Variants in C1orf198 observed in about 807,000 individuals in gnomAD.
The protein encoded by C1orf198 is chromosome 1 open reading frame 198.
Under a neutral mutation model 31.4 loss-of-function variants are expected in C1orf198, and 17 were observed. The ratio of observed to expected loss-of-function variants is 0.54; its 90% CI spans 0.37 to 0.81. The LOEUF is 0.81. C1orf198 is among the 40% of genes least tolerant of loss of function. The pLI, the probability that C1orf198 is intolerant of heterozygous loss-of-function variation, is 0.00. For missense variants in C1orf198, 401 were observed against 450.3 expected, an observed-to-expected ratio of 0.89 and a Z score of 0.99; for synonymous variants, 175 against 193.8, an observed-to-expected ratio of 0.90 and a Z score of 0.81.
At position 230,843,660 on chromosome 1, in the gene C1orf198, G is replaced by T; in HGVS notation, c.621C>A (p.Phe207Leu). The T allele has an allele frequency of 6.2e-7, 1 of 1,614,218 alleles. No homozygotes were observed. Among genetic ancestry groups the T allele is most frequent in the Non-Finnish European group, 8.5e-7 (1 of 1,180,038 alleles). Residue 207 changes from phenylalanine to leucine, a missense_variant, in exon 3 of 4, where the codon TTC (phenylalanine) becomes TTA (leucine). Physicochemically the swap from Phe to Leu is conservative, Grantham distance 22. Transcript: ENST00000366663. The surrounding 1 kb of genome is among the most constrained non-coding windows in gnomAD (Gnocchi z 4.9). ...TGATCTGGCTAGGGGTCAGCGACTG[G>T]AACTCGGCCTCAGGCCCCTCCCCTC... ...RSRGEGPEAEFQSLTPSQIKS... is the reference protein window; with the variant it reads ...RSRGEGPEAELQSLTPSQIKS...
rs1232082128 is a variant in C1orf198 at position 230,839,672 on chromosome 1, A to G, written c.*180T>C. The G allele has an allele frequency of 1.8e-6, 1 of 565,786 alleles. No individual in the cohort carries two copies. The highest frequency in any genetic ancestry group is 2.0e-5 in the African/African-American group (1 of 50,764). The allele number at this position is 565,786 out of a possible 1,614,324, so 35.0% of individuals were successfully genotyped here. On this transcript the variant is annotated 3_prime_UTR_variant, in exon 4 of 4. Transcript: ENST00000366663. The stretch of plus-strand genomic sequence containing the variant: ...TATCAAATCACTGAAAATAGCATAT[A>G]TATCTGGTTCTACCAAAAAAGAAAA...
chr1:230,851,307 A>C (rs1431602038), intron 2 of C1orf198, among the ~76,000 whole-genome samples: 1 of 152,122 alleles, frequency 6.6e-6, no homozygotes, highest in Non-Finnish European at 1.5e-5. Context: ...GGGGAGGGGC[A>C]AGGCTGGGGA....
At chr1:230,846,268 A>G (rs1297356097) in intron 2 of C1orf198, among the ~76,000 whole-genome samples, 1 of 152,222 alleles carries the variant, frequency 6.6e-6, no homozygotes, top group East Asian at 1.9e-4. Flanking sequence ...TGTACATCAG[A>G]GTAGCATTTT....
chr1:230,839,664 T>C lies in C1orf198; in HGVS notation c.*188A>G. On this transcript the variant is annotated 3_prime_UTR_variant, in exon 4 of 4. Transcript: ENST00000366663. ...ACTTCTGTTATCAAATCACTGAAAA[T>C]AGCATATATATCTGGTTCTACCAAA... 1 of 535,020 alleles carries C rather than the reference T, an allele frequency of 1.9e-6. No individual in the cohort carries two copies. The highest frequency in any genetic ancestry group is 3.6e-5 in the East Asian group (1 of 27,860). 33.1% of individuals were successfully genotyped at this position (535,020 alleles called of 1,614,324 possible).
chr1:230,850,522 G>T (rs746986168), intron 2 of C1orf198, among the ~76,000 whole-genome samples: 2 of 152,216 alleles, frequency 1.3e-5, no homozygotes, highest in Non-Finnish European at 2.9e-5. Context: ...CCCTGAGGTG[G>T]GTGAGAACAG....
In C1orf198 at chr1:230,840,905, T is replaced by A. The variant is rs577285764; in HGVS notation, c.928-997A>T. On this transcript the variant is annotated intron_variant, in intron 3 of 3. Coordinates refer to ENST00000366663, the MANE Select transcript of C1orf198 (RefSeq NM_032800.3). The surrounding 1 kb of genome is among the most constrained non-coding windows in gnomAD (Gnocchi z 4.0). Reference sequence around the variant, plus strand: ...CAATCCAGTTTTCCTTGTTCTGGTTTCCTTCCAGTTTCTTAAATGCAGTGG... The same window carrying A: ...CAATCCAGTTTTCCTTGTTCTGGTTACCTTCCAGTTTCTTAAATGCAGTGG... Among the ~76,000 whole-genome samples the A allele has an allele frequency of 6.6e-6, 1 of 152,348 alleles. No individual in the cohort carries two copies. The highest frequency in any genetic ancestry group is 2.1e-4 in the South Asian group (1 of 4,826).
At position 230,839,891 on chromosome 1, in the gene C1orf198, G is replaced by A. The variant is rs766038551; in HGVS notation, c.945C>T (p.Val315=). The A allele has an allele frequency of 1.4e-5, 22 of 1,610,258 alleles. No homozygotes were observed. In the East Asian group the frequency reaches 2.5e-4, roughly 18 times the overall value. ...PKFAQVSSSN[V]VLKTGFDFLD... is the part of the protein sequence containing the mutation. ...GAAAATCAAATCCCGTCTTCAAGAC[G>A]ACATTACTTGAGCTGACCTGTAGAA... Residue 315 remains valine, a synonymous_variant, in exon 4 of 4, where the codon GTC becomes GTT. Transcript: ENST00000366663.
chr1:230,845,757 T>C (rs1303830884), intron 2 of C1orf198, among the ~76,000 whole-genome samples: 1 of 152,122 alleles, frequency 6.6e-6, no homozygotes, highest in East Asian at 1.9e-4. Context: ...TAAAACTACA[T>C]GACAGAAAGT....
chr1:230,844,018 G>A, intron 2 of C1orf198, 122 bp from the exon 3 acceptor site: 1 of 1,034,398 alleles, frequency 9.7e-7, no homozygotes, highest in Non-Finnish European at 1.4e-6. Context: ...CACACGAGTT[G>A]TTGCCCATGT....
rs1362089477 is a variant in C1orf198, at chr1:230,843,488, G to T, written c.793C>A (p.Pro265Thr). ...LPNVSTERERPQPVQAFSSAL... is the reference protein window; with the variant it reads ...LPNVSTERERTQPVQAFSSAL... ...CTGCTGAAGGCCTGGACAGGCTGGGGTCTCTCACGTTCGGTGCTCACGTTG... is the reference window on the plus strand; with the variant it reads ...CTGCTGAAGGCCTGGACAGGCTGGGTTCTCTCACGTTCGGTGCTCACGTTG... The change falls in exon 3 of 4, where the codon CCC becomes ACC. Residue 265 changes from proline to threonine, a missense_variant. Coordinates refer to ENST00000366663, the MANE Select transcript of C1orf198 (RefSeq NM_032800.3). The surrounding 1 kb of genome is among the most constrained non-coding windows in gnomAD (Gnocchi z 4.9). 6.2e-7 allele frequency: 1 copy of T among 1,612,442 alleles called. No individual in the cohort carries two copies. Among genetic ancestry groups the T allele is most frequent in the South Asian group, 1.1e-5 (1 of 90,744 alleles).
At position 230,843,672 on chromosome 1, in the gene C1orf198, A is replaced by G; in HGVS notation, c.609T>C (p.Pro203=). 6.2e-7 allele frequency: 1 copy of G among 1,614,128 alleles called. No individual in the cohort carries two copies. Among genetic ancestry groups the G allele is most frequent in the South Asian group, 1.1e-5 (1 of 91,088 alleles). The change falls in exon 3 of 4, where the codon CCT becomes CCC. Residue 203 remains proline (P), a synonymous_variant. Transcript: ENST00000366663. This position sits in a 1 kb window ranked among gnomAD's most constrained non-coding sequence, Gnocchi z 4.9. ...INAERSRGEG[P]EAEFQSLTPS... is the part of the protein sequence containing the mutation. The stretch of plus-strand genomic sequence containing the variant: ...GGGTCAGCGACTGGAACTCGGCCTC[A>G]GGCCCCTCCCCTCGGGACCGCTCAG...
intron 1 of C1orf198, 38 bp downstream of exon 1, chr1:230,868,142 G>A: frequency 3.2e-6 from 4 of 1,244,788 alleles, no homozygotes; most frequent in Non-Finnish European, 4.1e-6. Context: ...TCGGGGCGCC[G>A]GGAGGGGAAG....
At chr1:230,854,956 A>G (rs932573997) in intron 2 of C1orf198, among the ~76,000 whole-genome samples, 2 of 151,964 alleles carry the variant, frequency 1.3e-5, no homozygotes, top group African/African-American at 4.8e-5. Flanking sequence ...TCTGTAACAC[A>G]CTCTCATGAC....
rs71179741 is a variant in C1orf198 at position 230,847,102 on chromosome 1, C to CAAAAA, written c.385-3211_385-3207dup. Among the ~76,000 whole-genome samples, 23 of 69,694 alleles carry CAAAAA rather than the reference C, an allele frequency of 3.3e-4. 1 individual carries two copies. The highest frequency in any genetic ancestry group is 2.1e-3 in the African/African-American group (22 of 10,382). The allele number at this position is 69,694 out of a possible 152,430, so 45.7% of individuals were successfully genotyped here. On this transcript the variant is annotated intron_variant, in intron 2 of 3. Transcript: ENST00000366663. ...TGGGCGACAGAGCGAGACTCCGTCT[C>CAAAAA]AAAAAAAAAAAAAAAAAAAAAAAAA...
At chr1:230,869,485 A>T (rs181351733), upstream of C1orf198, 2 of 152,262 alleles carry the variant, frequency 1.3e-5, no homozygotes, top group Non-Finnish European at 2.9e-5. Context: ...GACTAACAGG[A>T]CTCAGGTGAG....
chr1:230,846,701 G>A (rs988649323), intron 2 of C1orf198, among the ~76,000 whole-genome samples: 4 of 152,234 alleles, frequency 2.6e-5, no homozygotes, highest in Non-Finnish European at 5.9e-5. Context: ...GGTGGCTCAC[G>A]CCTGTAATCC....
At chr1:230,848,166 T>C (rs1411044415) in intron 2 of C1orf198, among the ~76,000 whole-genome samples, 1 of 152,212 alleles carries the variant, frequency 6.6e-6, no homozygotes, top group Non-Finnish European at 1.5e-5. Flanking sequence ...GAGGGTGTCA[T>C]CTGGCTAGAG....
chr1:230,843,546 G>A lies in C1orf198; in HGVS notation c.735C>T (p.Pro245=). 6.2e-7 allele frequency: 1 copy of A among 1,613,540 alleles called. No individual in the cohort carries two copies. Among genetic ancestry groups the A allele is most frequent in the Non-Finnish European group, 8.5e-7 (1 of 1,179,640 alleles). Residue 245 remains proline (P), a synonymous_variant, in exon 3 of 4, where the codon CCC becomes CCT. Transcript: ENST00000366663. This position sits in a 1 kb window ranked among gnomAD's most constrained non-coding sequence, Gnocchi z 4.9. ...PKDREAKVER[P]STLRQEQRPL... ...GACGCTGCTCCTGACGGAGGGTGCT[G>A]GGCCTTTCCACCTTGGCCTCCCTGT...
In C1orf198 at chr1:230,843,001, C is replaced by A. The variant is rs1669485607; in HGVS notation, c.927+353G>T. Among the ~76,000 whole-genome samples the A allele has an allele frequency of 6.6e-6, 1 of 152,128 alleles. No individual in the cohort carries two copies. Among genetic ancestry groups the A allele is most frequent in the Non-Finnish European group, 1.5e-5 (1 of 68,026 alleles). ...AAGAACAGACCATTGCCTCTATGGA[C>A]AGCTCCCAAAAAGAAGGCCCAACAC... On this transcript the variant is annotated intron_variant, in intron 3 of 3. Transcript: ENST00000366663. The surrounding 1 kb of genome is among the most constrained non-coding windows in gnomAD (Gnocchi z 4.9).
Sources: gnomAD v4.1 joint callset for allele counts (sites outside exome capture counted in the v4.1 genomes callset) on GRCh38, gnomAD v4.1.1 for gene constraint, Gnocchi (gnomAD v3.1) non-coding constraint, MANE v1.5 for transcripts, NCBI Gene and HGNC (gene_info 2026-07-23, HGNC 2026-07-21) for gene names.